The following NXN variants were observed in gnomAD, a reference collection of about 807,000 sequenced individuals.
NXN encodes the protein nucleoredoxin 1.
Under a neutral mutation model 48.6 loss-of-function variants are expected in NXN, and 16 were observed. The observed-to-expected ratio is 0.33, with a 90% confidence interval of 0.22 to 0.50. The LOEUF (loss-of-function observed/expected upper bound fraction) is 0.50. Among genes scored for constraint, NXN ranks in the 20% least tolerant of loss-of-function variants. NXN has a pLI of 0.98. For synonymous variants in NXN, 281 were observed against 269.6 expected (o/e 1.04, Z -0.41); for missense variants, 492 against 605.5 (o/e 0.81, Z 1.97).
intron 1 of NXN, among the ~76,000 whole-genome samples, chr17:933,820 A>G (rs968379858): frequency 2.0e-5 from 3 of 152,180 alleles, no homozygotes; most frequent in Non-Finnish European, 2.9e-5. Flanking sequence ...GCTGGTTTTT[A>G]TAAAATAAAT....
intron 1 of NXN, among the ~76,000 whole-genome samples, chr17:853,716 T>C (rs1281518386): frequency 2.1e-5 from 2 of 94,336 alleles, no homozygotes; most frequent in Non-Finnish European, 4.2e-5. Context: ...TATATATATA[T>C]ATATATATTT....
intron 1 of NXN, among the ~76,000 whole-genome samples, chr17:881,424 G>A (rs547629918): frequency 6.6e-5 from 10 of 152,212 alleles, no homozygotes; most frequent in East Asian, 1.9e-4. Flanking sequence ...ACGGGGTTTC[G>A]CCATGTTGCT....
rs1310033751 is a variant in NXN, at chr17:979,338, T to C, written c.341A>G (p.Tyr114Cys). 6.6e-7 allele frequency: 1 copy of C among 1,510,044 alleles called. No homozygotes were observed. 93.5% of individuals were successfully genotyped at this position (1,510,044 alleles called of 1,614,324 possible). ...GCTCACCTTCCTGTGCTTCTCCTTG[T>C]AGGGCAGCGCCAGCCACGGCATGTC... ...VRDMPWLALP[Y>C]KEKHRKLKLW... The change falls in exon 1 of 8, where the codon TAC (tyrosine) becomes TGC (cysteine). Residue 114 changes from tyrosine to cysteine, a missense_variant. By Grantham distance (194) the Tyr-to-Cys change is radical (BLOSUM62 -2). Coordinates refer to ENST00000336868, the MANE Select transcript of NXN (RefSeq NM_022463.5).
At chr17:866,880 A>AC (rs1383588316) in intron 1 of NXN, among the ~76,000 whole-genome samples, 6 of 152,224 alleles carry the variant, frequency 3.9e-5, no homozygotes, top group Non-Finnish European at 5.9e-5. Flanking sequence ...AATACTGCAA[A>AC]CCCTCAGCTG....
At chr17:957,284 C>G (rs1429238618) in intron 1 of NXN, among the ~76,000 whole-genome samples, 2 of 151,648 alleles carry the variant, frequency 1.3e-5, no homozygotes, top group Admixed American at 6.6e-5. Flanking sequence ...CTACTTCACA[C>G]ACAGAAGCCA....
intron 1 of NXN, among the ~76,000 whole-genome samples, chr17:870,775 CTT>C (rs929077264): frequency 6.6e-6 from 1 of 150,918 alleles, no homozygotes; most frequent in African/African-American, 2.4e-5. Context: ...AAAAAAGAAT[CTT>C]ATCCACCCCA....
At chr17:897,945 T>G (rs1231505245) in intron 1 of NXN, among the ~76,000 whole-genome samples, 1 of 152,226 alleles carries the variant, frequency 6.6e-6, no homozygotes, top group Non-Finnish European at 1.5e-5. Context: ...CCTCCCGAAG[T>G]GCTGGGATGA....
At chr17:822,335 A>G (rs369955591) in intron 4 of NXN, 22 bp downstream of exon 4, 5 of 1,559,788 alleles carry the variant, frequency 3.2e-6, no homozygotes, top group African/African-American at 1.4e-5. Context: ...AAAGGGGCCC[A>G]GCACTTCACG....
chr17:904,678 G>A (rs1365127973), intron 1 of NXN, among the ~76,000 whole-genome samples: 3 of 152,092 alleles, frequency 2.0e-5, no homozygotes, highest in Admixed American at 2.0e-4. Flanking sequence ...TGAGTAGCTG[G>A]GATTACAGGC....
chr17:891,858 AACAGGGAACC>A, intron 1 of NXN, among the ~76,000 whole-genome samples: 1 of 128,720 alleles, frequency 7.8e-6, no homozygotes, highest in Non-Finnish European at 1.6e-5. Context: ...TGTACAGCCC[AACAGGGAACC>A]TAAACTAACC....
chr17:826,057 G>A lies in NXN; in HGVS notation c.382C>T (p.Arg128Ter), dbSNP rs770241381. 3 of 1,613,508 alleles carry A rather than the reference G, an allele frequency of 1.9e-6. No homozygotes were observed. The highest frequency in any genetic ancestry group is 2.5e-6 in the Non-Finnish European group (3 of 1,179,462). Residue 128 changes from arginine to a stop codon, truncating the protein, a stop_gained, in exon 2 of 8, where the codon CGA (arginine) becomes TGA (stop). Transcript: ENST00000336868. LOFTEE classifies it high-confidence loss of function. ...HRKLKLWNKYRISNIPSLIFL... is the reference protein window; with the variant it reads ...HRKLKLWNKY Reference sequence around the variant, plus strand: ...ATTAGTGATGGAATGTTGGAAATTCGGTATTTGTTCCAAAGTTTGAGCTGT... The same window carrying A: ...ATTAGTGATGGAATGTTGGAAATTCAGTATTTGTTCCAAAGTTTGAGCTGT...
intron 1 of NXN, among the ~76,000 whole-genome samples, chr17:877,146 G>A (rs1475012701): frequency 1.3e-5 from 2 of 151,704 alleles, no homozygotes; most frequent in Non-Finnish European, 2.9e-5. Context: ...TGGGAACAGC[G>A]ACGGTGTTGT....
At chr17:957,822 A>T (rs1190449135) in intron 1 of NXN, among the ~76,000 whole-genome samples, 1 of 151,938 alleles carries the variant, frequency 6.6e-6, no homozygotes, top group Non-Finnish European at 1.5e-5. Context: ...CCAAGCCCAG[A>T]CCCGAGAGAG....
chr17:800,687 C>T lies in NXN; in HGVS notation c.*262G>A, dbSNP rs544541648. 5.8e-5 allele frequency: 18 copies of T among 307,984 alleles called. No homozygotes were observed. Among genetic ancestry groups the T allele is most frequent in the African/African-American group, 3.0e-4 (14 of 46,662 alleles). 19.1% of individuals were successfully genotyped at this position (307,984 alleles called of 1,614,324 possible). A position where few individuals can be genotyped will look rare whatever the true frequency, so the allele number is the denominator to read the frequency against. On this transcript the variant is annotated 3_prime_UTR_variant, in exon 8 of 8. Coordinates refer to ENST00000336868, the MANE Select transcript of NXN (RefSeq NM_022463.5). ...CCAAAAGCTAGTGACTTTGCGAAAG[C>T]CATGCAGCCCCGCTCTGGCCGGGCC... is the stretch of plus-strand genomic sequence containing the variant.
At chr17:803,563 C>G in intron 7 of NXN, 119 bp downstream of exon 7, 1 of 1,298,112 alleles carries the variant, frequency 7.7e-7, no homozygotes, top group Non-Finnish European at 1.1e-6. Context: ...TGGGCTCTCT[C>G]AGAAGCACAG....
intron 1 of NXN, among the ~76,000 whole-genome samples, chr17:933,898 G>A (rs891351629): frequency 3.4e-4 from 52 of 152,232 alleles, no homozygotes; most frequent in African/African-American, 9.9e-4. Flanking sequence ...AATACAAGCA[G>A]CCAAGGTCCT....
rs1310995554 is a variant in NXN, at chr17:835,302, T to C, written c.361-9224A>G. ...CAGCCTGGAAGACAGACCGAGACTC[T>C]GTTTCAAAAAAAAAAAAAAAAGAAA... is the stretch of plus-strand genomic sequence containing the variant. On this transcript the variant is annotated intron_variant, in intron 1 of 7. Coordinates refer to ENST00000336868, the MANE Select transcript of NXN (RefSeq NM_022463.5). Among the ~76,000 whole-genome samples, 10 of 142,882 alleles carry C rather than the reference T, an allele frequency of 7.0e-5. No homozygotes were observed. The East Asian group carries it at 8.9e-4, about 13-fold the overall frequency. 93.7% of individuals were successfully genotyped at this position (142,882 alleles called of 152,430 possible).
At position 812,639 on chromosome 17, in the gene NXN, TGA is replaced by T. The variant is rs933671791; in HGVS notation, c.820+6798_820+6799del. ...GAGTGTAGGTGAGTGTAGGTGTGTG[TGA>T]GTGTGCATGTGTGTGACTGTAGGTG... On this transcript the variant is annotated intron_variant, in intron 5 of 7. Coordinates refer to ENST00000336868, the MANE Select transcript of NXN (RefSeq NM_022463.5). Among the ~76,000 whole-genome samples, 22 of 151,116 alleles carry T rather than the reference TGA, an allele frequency of 1.5e-4. 1 individual carries two copies. The South Asian group carries it at 1.5e-3, about 10-fold the overall frequency.
rs558770343 is a variant in NXN, at chr17:836,121, G to T, written c.361-10043C>A. 2.2e-4 allele frequency among the ~76,000 whole-genome samples: 31 copies of T among 140,296 alleles called. 2 individuals are homozygous for T. Among genetic ancestry groups the T allele is most frequent in the African/African-American group, 8.3e-4 (30 of 36,170 alleles). 92.0% of individuals were successfully genotyped at this position (140,296 alleles called of 152,430 possible). A position where few individuals can be genotyped will look rare whatever the true frequency, so the allele number is the denominator to read the frequency against. The stretch of plus-strand genomic sequence containing the variant: ...GGATTCGTCAGCCCCCACAGAGGCC[G>T]CAGGGGAAAAACACCGGTGGGATTC... On this transcript the variant is annotated intron_variant, in intron 1 of 7. Transcript: ENST00000336868.
Sources: gnomAD v4.1 joint callset for allele counts (sites outside exome capture counted in the v4.1 genomes callset) on GRCh38, gnomAD v4.1.1 for gene constraint, MANE v1.5 for transcripts, NCBI Gene and HGNC (gene_info 2026-07-23, HGNC 2026-07-21) for gene names.